IL7: variants seen among roughly 807,000 people sequenced by gnomAD.
IL7 encodes interleukin 7, also known as interleukin-7.
A neutral mutation model predicts 21.6 loss-of-function variants in IL7; 3 were observed. That is an observed-to-expected ratio of 0.14 (90% CI 0.06 to 0.36). IL7 has a LOEUF of 0.36. Among genes scored for constraint, IL7 ranks in the 10% least tolerant of loss-of-function variants. IL7 has a pLI of 1.00. For synonymous variants in IL7, 62 were observed against 68.1 expected (o/e 0.91, Z 0.44); for missense variants, 175 against 200.2 (o/e 0.87, Z 0.76).
intron 1 of IL7, among the ~76,000 whole-genome samples, chr8:78,800,954 A>G (rs951828464): frequency 3.3e-5 from 5 of 152,172 alleles, no homozygotes; most frequent in Admixed American, 2.6e-4. Flanking sequence ...TGTCTTCTTC[A>G]CCTCAATTTT....
At chr8:78,744,494 G>A (rs1811909593) in intron 2 of IL7, among the ~76,000 whole-genome samples, 1 of 152,088 alleles carries the variant, frequency 6.6e-6, no homozygotes, top group Admixed American at 6.5e-5. Flanking sequence ...CCCTCTCCCT[G>A]GGAACTCTGT....
intron 3 of IL7, chr8:78,689,236 C>T (rs749463362): frequency 4.5e-6 from 7 of 1,572,988 alleles, no homozygotes; most frequent in Non-Finnish European, 6.0e-6. Flanking sequence ...TATTCAATGT[C>T]CATATTGTCA....
intron 2 of IL7, among the ~76,000 whole-genome samples, chr8:78,743,110 G>C (rs769722190): frequency 9.9e-5 from 15 of 152,108 alleles, no homozygotes; most frequent in Non-Finnish European, 4.4e-5. Context: ...TGGTGTATAC[G>C]TACCACATTT....
At chr8:78,767,331 A>T (rs138342998) in intron 2 of IL7, among the ~76,000 whole-genome samples, 11 of 151,948 alleles carry the variant, frequency 7.2e-5, no homozygotes, top group Non-Finnish European at 1.6e-4. Context: ...AACATAATTT[A>T]TATTTATTGT....
intron 2 of IL7, chr8:78,762,359 C>G: frequency 6.2e-7 from 1 of 1,612,774 alleles, no homozygotes; most frequent in African/African-American, 1.3e-5. Flanking sequence ...CCGCGGGAAG[C>G]TGAAGAAGGC....
At chr8:78,751,069 C>T (rs1812152824) in intron 2 of IL7, among the ~76,000 whole-genome samples, 1 of 147,508 alleles carries the variant, frequency 6.8e-6, no homozygotes, top group Non-Finnish European at 1.5e-5. Flanking sequence ...ACAGAAACTT[C>T]CAAAACTGAG....
rs1235553188 is a variant in IL7 at position 78,733,335 on chromosome 8, G to A, written c.*378C>T. ...GCCATAAAATTATTTTGACAGTAAA[G>A]CAATGTCAATTTTGAATCTTTGAAA... On this transcript the variant is annotated 3_prime_UTR_variant, in exon 6 of 6. Coordinates refer to ENST00000263851, the MANE Select transcript of IL7 (RefSeq NM_000880.4). 5.9e-6 allele frequency: 1 copy of A among 170,586 alleles called. No homozygotes were observed. Among genetic ancestry groups the A allele is most frequent in the Non-Finnish European group, 1.2e-5 (1 of 80,752 alleles). The allele number at this position is 170,586 out of a possible 1,614,324, so 10.6% of individuals were successfully genotyped here. A position where few individuals can be genotyped will look rare whatever the true frequency, so the allele number is the denominator to read the frequency against.
At position 78,777,587 on chromosome 8, in the gene IL7, T is replaced by C. The variant is rs182935351; in HGVS notation, c.147+20485A>G. On this transcript the variant is annotated intron_variant, in intron 2 of 5. Coordinates refer to ENST00000263851, the MANE Select transcript of IL7 (RefSeq NM_000880.4). ...TGTTCCTAATGCAAGAACTATATTT[T>C]ATCAATCTTTGAGTTTTCCATTGTA... Among the ~76,000 whole-genome samples the C allele has an allele frequency of 1.8e-4, 28 of 152,192 alleles. No individual in the cohort carries two copies. In the East Asian group the frequency reaches 5.0e-3, roughly 27 times the overall value.
At chr8:78,719,068 T>C (rs1256445509) in exon 6 of IL7, 3 of 151,910 alleles carry the variant, frequency 2.0e-5, no homozygotes, top group South Asian at 2.1e-4. Context: ...TTCAGTCTTA[T>C]TGGTCAAAAC....
At chr8:78,775,394 G>A (rs1180165180) in intron 2 of IL7, among the ~76,000 whole-genome samples, 2 of 152,034 alleles carry the variant, frequency 1.3e-5, no homozygotes, top group Admixed American at 1.3e-4. Flanking sequence ...TTCATCCAGG[G>A]CATTCATTCT....
chr8:78,713,161 T>C (rs1381052655), downstream of IL7, among the ~76,000 whole-genome samples: 1 of 152,104 alleles, frequency 6.6e-6, no homozygotes, highest in Admixed American at 6.5e-5. Flanking sequence ...TGTTAACAGG[T>C]AGATTCTAGA....
At chr8:78,721,551 C>A (rs1344815071) in intron 3 of IL7, 2 of 152,044 alleles carry the variant, frequency 1.3e-5, no homozygotes, top group African/African-American at 4.8e-5. Context: ...TATGCACCTA[C>A]TTTGAATTTG....
chr8:78,788,570 C>T (rs1813586760), intron 2 of IL7, among the ~76,000 whole-genome samples: 1 of 151,988 alleles, frequency 6.6e-6, no homozygotes, highest in African/African-American at 2.4e-5. Context: ...ACTTCAATTA[C>T]ATTTTGGTTG....
rs115942994 is a variant in IL7 at position 78,695,461 on chromosome 8, G to A, written n.215-9514C>T. 5.2e-3 allele frequency among the ~76,000 whole-genome samples: 794 copies of A among 152,202 alleles called. 8 individuals carry two copies. Among genetic ancestry groups the A allele is most frequent in the African/African-American group, 0.018 (729 of 41,542 alleles). On this transcript the variant is annotated intron_variant and non_coding_transcript_variant, in intron 3 of 4. Transcript: ENST00000523959. Reference sequence around the variant, plus strand: ...TCAATATGTAATAGGCCACATCAGCGCACTTTGTTTATGCTAATCATTTTG... The same window carrying A: ...TCAATATGTAATAGGCCACATCAGCACACTTTGTTTATGCTAATCATTTTG...
intron 5 of IL7, among the ~76,000 whole-genome samples, chr8:78,720,624 GTTTTC>G (rs1426585933): frequency 6.6e-6 from 1 of 151,768 alleles, no homozygotes. Flanking sequence ...TATAAGGGTA[GTTTTC>G]TTTGTTTTGT....
At chr8:78,776,567 AGG>A (rs1813145903) in intron 2 of IL7, among the ~76,000 whole-genome samples, 1 of 152,100 alleles carries the variant, frequency 6.6e-6, no homozygotes, top group Admixed American at 6.6e-5. Context: ...CAAATATTAC[AGG>A]TTTTTATTTG....
chr8:78,738,009 T>G (rs995192771), intron 4 of IL7, among the ~76,000 whole-genome samples: 2 of 152,108 alleles, frequency 1.3e-5, no homozygotes, highest in African/African-American at 4.8e-5. Flanking sequence ...TAACCACTAG[T>G]AGAAAAGTAG....
intron 5 of IL7, chr8:78,719,227 G>T (rs947107042): frequency 4.7e-4 from 39 of 82,568 alleles, no homozygotes; most frequent in African/African-American, 1.3e-3. Flanking sequence ...CTGTTTTTTT[G>T]TCAAGTATTT....
At chr8:78,756,650 A>G (rs1812358931) in intron 2 of IL7, among the ~76,000 whole-genome samples, 1 of 151,902 alleles carries the variant, frequency 6.6e-6, no homozygotes, top group East Asian at 1.9e-4. Flanking sequence ...TTTCTGTGGT[A>G]TCAGTTGTAA....
Sources: allele counts gnomAD v4.1 joint callset (sites outside exome capture counted in the v4.1 genomes callset), GRCh38; gene constraint gnomAD v4.1.1; transcripts MANE v1.5; gene names NCBI Gene and HGNC (gene_info 2026-07-23, HGNC 2026-07-21).